Variants in ITGA9 observed in about 807,000 individuals in gnomAD.
ITGA9 encodes integrin subunit alpha 9.
Under a neutral mutation model 127.8 loss-of-function variants are expected in ITGA9, and 56 were observed. The observed-to-expected ratio is 0.44, with a 90% CI of 0.35 to 0.55. ITGA9 has a LOEUF of 0.55. Among genes scored for constraint, ITGA9 ranks in the 20% least tolerant of loss-of-function variants. The probability of loss-of-function intolerance (pLI) is 0.00; values close to 1 mark genes in which losing one functional copy is unlikely to be tolerated. For missense variants in ITGA9, 1,196 were observed against 1,347.1 expected, an observed-to-expected ratio of 0.89 and a Z score of 1.76; for synonymous variants, 508 against 514.5, an observed-to-expected ratio of 0.99 and a Z score of 0.17.
At position 37,620,333 on chromosome 3, in the gene ITGA9, C is replaced by A. The variant is rs550712438; in HGVS notation, c.1690-8854C>A. On this transcript the variant is annotated intron_variant, in intron 15 of 27. Transcript: ENST00000264741. The stretch of plus-strand genomic sequence containing the variant: ...GCACTGAGGTCCCGTGACCTGGTTC[C>A]AGCCTGCTCTCCTTCCCTGTCCATA... Among the ~76,000 whole-genome samples, 6 of 152,288 alleles carry A rather than the reference C, an allele frequency of 3.9e-5. No individual in the cohort carries two copies. In the South Asian group the frequency reaches 6.2e-4, roughly 16 times the overall value.
intron 18 of ITGA9, among the ~76,000 whole-genome samples, chr3:37,724,294 A>G (rs912547304): frequency 1.3e-5 from 2 of 151,964 alleles, no homozygotes; most frequent in African/African-American, 4.8e-5. Flanking sequence ...GCAAATTCTT[A>G]TCCTTTCAAG....
At chr3:37,601,425 C>G (rs1699921498) in intron 15 of ITGA9, among the ~76,000 whole-genome samples, 1 of 152,150 alleles carries the variant, frequency 6.6e-6, no homozygotes, top group Admixed American at 6.5e-5. Context: ...CCTTTGTCTC[C>G]CCAGGTGTTA....
At chr3:37,733,959 G>C (rs1696328196) in intron 19 of ITGA9, among the ~76,000 whole-genome samples, 1 of 152,204 alleles carries the variant, frequency 6.6e-6, no homozygotes, top group Non-Finnish European at 1.5e-5. Flanking sequence ...CCTGTGATTT[G>C]GGTAACACTG....
intron 24 of ITGA9, among the ~76,000 whole-genome samples, chr3:37,778,682 C>A (rs1696936647): frequency 6.6e-6 from 1 of 152,008 alleles, no homozygotes; most frequent in East Asian, 1.9e-4. Context: ...ATTTGTTACA[C>A]CTCCATTTTT....
At chr3:37,736,087 G>A (rs1696357972) in intron 19 of ITGA9, among the ~76,000 whole-genome samples, 3 of 152,188 alleles carry the variant, frequency 2.0e-5, no homozygotes, top group Admixed American at 2.0e-4. Context: ...GAGAGAGAGA[G>A]ATCTCTTTGT....
chr3:37,627,410 G>A (rs1159006295), intron 15 of ITGA9, among the ~76,000 whole-genome samples: 2 of 152,032 alleles, frequency 1.3e-5, no homozygotes, highest in East Asian at 3.9e-4. Context: ...TTTCCAGTCT[G>A]CCCTCCAGTG....
intron 16 of ITGA9, among the ~76,000 whole-genome samples, chr3:37,638,522 G>C (rs1472103183): frequency 1.3e-5 from 2 of 151,744 alleles, no homozygotes; most frequent in Non-Finnish European, 2.9e-5. Flanking sequence ...GATTCTGAGA[G>C]TGAGGCCCAC....
chr3:37,712,084 A>T (rs1701085516), intron 18 of ITGA9, among the ~76,000 whole-genome samples: 1 of 151,982 alleles, frequency 6.6e-6, no homozygotes. Flanking sequence ...ACAAATATTC[A>T]GCTTAGAATG....
chr3:37,671,484 T>A (rs1416489721), intron 17 of ITGA9, among the ~76,000 whole-genome samples: 3 of 152,246 alleles, frequency 2.0e-5, no homozygotes, highest in Non-Finnish European at 4.4e-5. Flanking sequence ...CTATTTTTTT[T>A]AAAGTAATAC....
At chr3:37,702,840 C>G (rs958347280) in intron 18 of ITGA9, among the ~76,000 whole-genome samples, 1 of 152,090 alleles carries the variant, frequency 6.6e-6, no homozygotes, top group Non-Finnish European at 1.5e-5. Context: ...TAAATGCAGC[C>G]AAGCTCTCCT....
chr3:37,814,259 T>A lies in ITGA9; in HGVS notation c.3010-4632T>A, dbSNP rs1697402785. ...TAGGCAGAGACGAAGACACTATGGC[T>A]CGAAGCCAGAAAATAACCTTCCCAG... On this transcript the variant is annotated intron_variant, in intron 27 of 27. Transcript: ENST00000264741. This position sits in a 1 kb window ranked among gnomAD's most constrained non-coding sequence, Gnocchi z 4.3. 6.6e-6 allele frequency among the ~76,000 whole-genome samples: 1 copy of A among 152,134 alleles called. No individual in the cohort carries two copies. The highest frequency in any genetic ancestry group is 1.5e-5 in the Non-Finnish European group (1 of 68,028).
intron 15 of ITGA9, among the ~76,000 whole-genome samples, chr3:37,599,320 G>A (rs1699896395): frequency 1.3e-5 from 2 of 152,212 alleles, no homozygotes; most frequent in Non-Finnish European, 2.9e-5. Flanking sequence ...CAGCTTGCAG[G>A]CTGGCTGGAG....
Position 37,506,046 on chromosome 3 carries a change from T to C in ITGA9, c.789T>C (p.Asp263=), listed in dbSNP as rs202053731. Residue 263 remains aspartate, a synonymous_variant, in exon 7 of 28, where the codon GAT becomes GAC. Transcript: ENST00000264741. ...ACTTCTCTCACCCGTCCACCATTGA[T>C]GTGGTAGGAGGTGCCCCACAGGACA... ...AGHFSHPSTI[D]VVGGAPQDKG... is the part of the protein sequence containing the mutation. The C allele has an allele frequency of 8.3e-5, 133 of 1,610,460 alleles. No homozygotes were observed. The highest frequency in any genetic ancestry group is 1.1e-4 in the Non-Finnish European group (128 of 1,178,676).
At chr3:37,724,232 T>C (rs887984746) in intron 18 of ITGA9, among the ~76,000 whole-genome samples, 1 of 152,266 alleles carries the variant, frequency 6.6e-6, no homozygotes, top group South Asian at 2.1e-4. Context: ...CATTTCACCC[T>C]CTCTGCTACT....
intron 17 of ITGA9, among the ~76,000 whole-genome samples, chr3:37,659,770 T>G (rs1700515068): frequency 6.6e-6 from 1 of 152,076 alleles, no homozygotes; most frequent in Non-Finnish European, 1.5e-5. Flanking sequence ...ATTCTGATTT[T>G]TGGAATTTTC....
chr3:37,560,126 G>A (rs992098366), intron 15 of ITGA9, among the ~76,000 whole-genome samples: 2 of 146,728 alleles, frequency 1.4e-5, no homozygotes, highest in African/African-American at 2.6e-5. Flanking sequence ...GACAGGCCCC[G>A]GTGTGTGATG....
At chr3:37,800,413 G>A (rs1241241612) in intron 26 of ITGA9, among the ~76,000 whole-genome samples, 3 of 152,154 alleles carry the variant, frequency 2.0e-5, no homozygotes, top group Non-Finnish European at 2.9e-5. Context: ...GGTTGCCTAC[G>A]GTTGCACCAG....
intron 8 of ITGA9, among the ~76,000 whole-genome samples, chr3:37,509,611 A>G (rs1698881196): frequency 6.6e-6 from 1 of 152,072 alleles, no homozygotes; most frequent in South Asian, 2.1e-4. Flanking sequence ...AATTTTAACT[A>G]TCCGAATAGG....
intron 18 of ITGA9, among the ~76,000 whole-genome samples, chr3:37,709,233 T>G (rs1352033141): frequency 6.6e-6 from 1 of 152,202 alleles, no homozygotes; most frequent in Non-Finnish European, 1.5e-5. Flanking sequence ...AATTCTTCTT[T>G]CCCTGATACA....
Sources: gnomAD v4.1 joint callset for allele counts (sites outside exome capture counted in the v4.1 genomes callset) on GRCh38, gnomAD v4.1.1 for gene constraint, Gnocchi (gnomAD v3.1) non-coding constraint, MANE v1.5 for transcripts, NCBI Gene and HGNC (gene_info 2026-07-23, HGNC 2026-07-21) for gene names.